SGK3: variants seen among roughly 807,000 people sequenced by gnomAD.
The protein encoded by SGK3 is serine/threonine-protein kinase Sgk3.
In SGK3, 47 loss-of-function variants were observed where a neutral mutation model predicts 68.5. The ratio of observed to expected loss-of-function variants is 0.69; its 90% CI spans 0.54 to 0.87. The LOEUF (loss-of-function observed/expected upper bound fraction) is 0.87, where lower values mean the gene tolerates loss of function less well. Among genes scored for constraint, SGK3 ranks in the 40% least tolerant of loss-of-function variants. SGK3 has a pLI of 0.00. For synonymous variants in SGK3, 181 were observed against 189.1 expected, an observed-to-expected ratio of 0.96 and a Z score of 0.35; for missense variants, 479 against 575.5, an observed-to-expected ratio of 0.83 and a Z score of 1.72.
At chr8:66,723,124 TATA>T (rs1563595337) in intron 1 of SGK3, among the ~76,000 whole-genome samples, 6 of 56,828 alleles carry the variant, frequency 1.1e-4, no homozygotes, top group African/African-American at 1.6e-4. Flanking sequence ...TATATATATA[TATA>T]TATATTTTTT....
intron 1 of SGK3, among the ~76,000 whole-genome samples, chr8:66,730,001 C>G (rs959560383): frequency 1.3e-5 from 2 of 152,120 alleles, no homozygotes; most frequent in South Asian, 2.1e-4. Context: ...CTTGACCTCT[C>G]TAAGTGTTAG....
chr8:66,822,936 C>T (rs1444044355), intron 6 of SGK3, among the ~76,000 whole-genome samples: 1 of 152,020 alleles, frequency 6.6e-6, no homozygotes, highest in Non-Finnish European at 1.5e-5. Context: ...ATCACTATTT[C>T]TTATAAAACC....
At chr8:66,842,725 G>A (rs1055659861) in intron 13 of SGK3, among the ~76,000 whole-genome samples, 7 of 152,072 alleles carry the variant, frequency 4.6e-5, no homozygotes, top group Non-Finnish European at 1.0e-4. Context: ...AGATGAGAAT[G>A]CAATTCTTTC....
intron 1 of SGK3, among the ~76,000 whole-genome samples, chr8:66,730,733 A>G (rs1249586556): frequency 2.0e-5 from 3 of 152,218 alleles, no homozygotes; most frequent in African/African-American, 7.2e-5. Context: ...TCTGGAGTGC[A>G]GTGGTGCGGT....
At chr8:66,744,110 G>A (rs1215687178) in intron 1 of SGK3, among the ~76,000 whole-genome samples, 2 of 152,106 alleles carry the variant, frequency 1.3e-5, no homozygotes, top group Non-Finnish European at 2.9e-5. Flanking sequence ...AGCGTGCATG[G>A]GAGGTAATTT....
intron 1 of SGK3, among the ~76,000 whole-genome samples, chr8:66,785,065 A>T (rs963849546): frequency 1.3e-5 from 2 of 152,218 alleles, no homozygotes; most frequent in African/African-American, 2.4e-5. Context: ...CTCCTGACCA[A>T]GTGCTGTCCA....
At chr8:66,855,811 G>A (rs532888703) in intron 16 of SGK3, among the ~76,000 whole-genome samples, 1 of 152,324 alleles carries the variant, frequency 6.6e-6, no homozygotes, top group South Asian at 2.1e-4. Flanking sequence ...TCACCTGGCA[G>A]ATTAACAAAG....
At position 66,796,321 on chromosome 8, in the gene SGK3, A is replaced by ATTTTTTTTTTTTT. The variant is rs71249408; in HGVS notation, c.97-2202_97-2190dup. On this transcript the variant is annotated intron_variant, in intron 2 of 16. Transcript: ENST00000521198. Reference sequence around the variant, plus strand: ...CCAGCTAATTTTTTGTATTTTTTGTATTTTTTTTTTTTTTTTTTTTTTTTT... The same window carrying ATTTTTTTTTTTTT: ...CCAGCTAATTTTTTGTATTTTTTGTATTTTTTTTTTTTTTTTTTTTTTTTTTTTTTTTTTTTTT... 1.3e-3 allele frequency among the ~76,000 whole-genome samples: 54 copies of ATTTTTTTTTTTTT among 41,358 alleles called. 8 individuals carry two copies. Among genetic ancestry groups the ATTTTTTTTTTTTT allele is most frequent in the Non-Finnish European group, 2.0e-3 (46 of 22,674 alleles). 27.1% of individuals were successfully genotyped at this position (41,358 alleles called of 152,430 possible). A position where few individuals can be genotyped will look rare whatever the true frequency, so the allele number is the denominator to read the frequency against.
chr8:66,821,522 T>G (rs1808818860), intron 5 of SGK3, among the ~76,000 whole-genome samples: 1 of 151,800 alleles, frequency 6.6e-6, no homozygotes, highest in Admixed American at 6.6e-5. Flanking sequence ...ACATAATTTT[T>G]TTTTTTTTGA....
intron 1 of SGK3, among the ~76,000 whole-genome samples, chr8:66,758,197 T>C (rs1360321030): frequency 6.6e-6 from 1 of 151,666 alleles, no homozygotes; most frequent in Non-Finnish European, 1.5e-5. Context: ...CTACTAAAAA[T>C]ACAAAAATTA....
At chr8:66,802,078 T>C (rs1213676031) in intron 3 of SGK3, among the ~76,000 whole-genome samples, 1 of 152,220 alleles carries the variant, frequency 6.6e-6, no homozygotes, top group African/African-American at 2.4e-5. Flanking sequence ...TAATTTCTTT[T>C]GTATTTCTTT....
chr8:66,781,403 C>T (rs747948877), intron 1 of SGK3, among the ~76,000 whole-genome samples: 1 of 152,164 alleles, frequency 6.6e-6, no homozygotes, highest in Non-Finnish European at 1.5e-5. Flanking sequence ...GATGGGAGTA[C>T]ATTGGTGCAA....
chr8:66,713,655 G>A (rs1244766015), intron 1 of SGK3, among the ~76,000 whole-genome samples: 1 of 152,164 alleles, frequency 6.6e-6, no homozygotes, highest in African/African-American at 2.4e-5. Context: ...CAATCTGGGA[G>A]GTGCCTTTTT....
intron 1 of SGK3, among the ~76,000 whole-genome samples, chr8:66,726,987 C>T (rs1447324640): frequency 6.6e-6 from 1 of 151,962 alleles, no homozygotes; most frequent in Non-Finnish European, 1.5e-5. Flanking sequence ...ACAATGATAA[C>T]CAGTACCACT....
chr8:66,843,551 T>C lies in SGK3; in HGVS notation c.1074+4T>C. ...GTATGAAATGCTGTATGGATTGGTA[T>C]GTATTTCTATACCTCATTATTCCAA... On this transcript the variant is annotated splice_donor_region_variant and intron_variant, in intron 14 of 16. Transcript: ENST00000521198. The C allele has an allele frequency of 1.2e-6, 2 of 1,611,992 alleles. No homozygotes were observed. Among genetic ancestry groups the C allele is most frequent in the Non-Finnish European group, 1.7e-6 (2 of 1,178,544 alleles).
intron 1 of SGK3, among the ~76,000 whole-genome samples, chr8:66,740,338 T>C (rs1396741761): frequency 6.6e-6 from 1 of 152,200 alleles, no homozygotes; most frequent in Non-Finnish European, 1.5e-5. Context: ...GTTCCATCAT[T>C]TTATATGGTT....
chr8:66,723,482 C>T (rs1712810282), intron 1 of SGK3, among the ~76,000 whole-genome samples: 1 of 151,918 alleles, frequency 6.6e-6, no homozygotes, highest in Non-Finnish European at 1.5e-5. Flanking sequence ...CTTCCTCTGT[C>T]ACGTAAGCTG....
intron 1 of SGK3, among the ~76,000 whole-genome samples, chr8:66,740,093 T>C (rs1051754636): frequency 3.9e-5 from 6 of 152,166 alleles, no homozygotes; most frequent in Non-Finnish European, 7.4e-5. Context: ...ACAAACCTCA[T>C]AGAAACAATA....
chr8:66,851,450 G>T lies in SGK3; in HGVS notation c.1320+530G>T, dbSNP rs376876487. Among the ~76,000 whole-genome samples the T allele has an allele frequency of 1.6e-4, 25 of 152,072 alleles. No individual in the cohort carries two copies. The East Asian group carries it at 4.8e-3, about 29-fold the overall frequency. On this transcript the variant is annotated intron_variant, in intron 16 of 16. Transcript: ENST00000521198. ...GCATGAGAAACACTTGAACTCAGGA[G>T]GTGGAGATTGCAGTGAGTCGAAATT...
Sources: gnomAD v4.1 joint callset for allele counts (sites outside exome capture counted in the v4.1 genomes callset) on GRCh38, gnomAD v4.1.1 for gene constraint, MANE v1.5 for transcripts, NCBI Gene and HGNC (gene_info 2026-07-23, HGNC 2026-07-21) for gene names.